ZNF483: variants seen among roughly 807,000 people sequenced by gnomAD.
ZNF483 encodes zinc finger protein 483.
In ZNF483, 9 loss-of-function variants were observed where a neutral mutation model predicts 28.6. The observed-to-expected ratio is 0.32, with a 90% CI of 0.19 to 0.55. The LOEUF (loss-of-function observed/expected upper bound fraction) is 0.55. Ranked by LOEUF, ZNF483 falls within the 20% of genes least tolerant of loss-of-function variation. ZNF483 has a pLI of 0.93. For missense variants in ZNF483, 675 were observed against 871.7 expected, an observed-to-expected ratio of 0.77 and a Z score of 2.84; for synonymous variants, 322 against 306.2, an observed-to-expected ratio of 1.05 and a Z score of -0.54.
At chr9:111,557,731 A>G (rs1828166572), downstream of ZNF483, among the ~76,000 whole-genome samples, 4 of 152,114 alleles carry the variant, frequency 2.6e-5, no homozygotes, top group Middle Eastern at 3.4e-3. Flanking sequence ...TGCCCGGCCC[A>G]TTTGTCTCAT....
At chr9:111,556,965 A>G (rs906437026), downstream of ZNF483, among the ~76,000 whole-genome samples, 5 of 152,208 alleles carry the variant, frequency 3.3e-5, no homozygotes, top group African/African-American at 1.2e-4. Context: ...GATGCTGCAC[A>G]GAGCAGTGTG....
intron 1 of ZNF483, among the ~76,000 whole-genome samples, chr9:111,525,717 C>A (rs996318608): frequency 6.6e-6 from 1 of 152,102 alleles, no homozygotes; most frequent in African/African-American, 2.4e-5. Flanking sequence ...TTCACCGGGC[C>A]TCCTATGTAA....
At position 111,533,846 on chromosome 9, in the gene ZNF483, C is replaced by T. The variant is rs1250560330; in HGVS notation, c.609C>T (p.Leu203=). 5 of 1,590,786 alleles carry T rather than the reference C, an allele frequency of 3.1e-6. No individual in the cohort carries two copies. The East Asian group carries it at 9.0e-5, about 29-fold the overall frequency. Residue 203 remains leucine (L), a synonymous_variant, in exon 4 of 6, where the codon CTC becomes CTT. Transcript: ENST00000309235. ...ELYKEVLLEN[L]RNLEFLDFPV... is the part of the protein sequence containing the mutation. ...ATAAGGAAGTGCTACTGGAAAACCT[C>T]AGGAACCTAGAATTTCTGGGTAAAG...
chr9:111,526,694 T>C (rs778935354), intron 1 of ZNF483, among the ~76,000 whole-genome samples: 34 of 152,326 alleles, frequency 2.2e-4, no homozygotes, highest in Admixed American at 9.8e-4. Flanking sequence ...TAAATAGCTT[T>C]GTGACTGGGT....
rs1828065279 is a variant in ZNF483 at position 111,554,540 on chromosome 9, T to C, written c.*11370T>C. Among the ~76,000 whole-genome samples, 3 of 152,130 alleles carry C rather than the reference T, an allele frequency of 2.0e-5. No individual in the cohort carries two copies. Among genetic ancestry groups the C allele is most frequent in the Admixed American group, 2.0e-4 (3 of 15,280 alleles). On this transcript the variant is annotated 3_prime_UTR_variant, in exon 6 of 6. Transcript: ENST00000309235. ...TCGAGTGGATGCCTGCAACCTCAGA[T>C]AGTACCAAACCCTGTATGTTCTATG...
At chr9:111,570,388 G>T (rs1828759390) in intron 5 of ZNF483, among the ~76,000 whole-genome samples, 1 of 152,116 alleles carries the variant, frequency 6.6e-6, no homozygotes, top group African/African-American at 2.4e-5. Context: ...GCACTCTGCA[G>T]CCAGGCAGAA....
In ZNF483 at chr9:111,542,894, T is replaced by C. The variant is rs750567451; in HGVS notation, c.1959T>C (p.His653=). Residue 653 remains histidine, a synonymous_variant, in exon 6 of 6, where the codon CAT becomes CAC. Transcript: ENST00000309235. The surrounding 1 kb of genome is among the most constrained non-coding windows in gnomAD (Gnocchi z 6.2). The stretch of plus-strand genomic sequence containing the variant: ...CAACCCATTCACTGCTAAGTCGTCA[T>C]CAGAGAATTCATACTGGTGTAAAAC... The part of the protein sequence containing the change: ...AFPTHSLLSR[H]QRIHTGVKPY... 4 of 1,614,160 alleles carry C rather than the reference T, an allele frequency of 2.5e-6. 1 individual carries two copies. The Middle Eastern group carries it at 6.6e-4, about 266-fold the overall frequency.
intron 5 of ZNF483, chr9:111,563,165 T>C (rs768494107): frequency 9.3e-6 from 15 of 1,613,924 alleles, no homozygotes; most frequent in Non-Finnish European, 1.3e-5. Context: ...CCTTTCAGCA[T>C]TCCCATAAAT....
chr9:111,565,046 C>T (rs530535290), intron 5 of ZNF483, among the ~76,000 whole-genome samples: 1 of 152,094 alleles, frequency 6.6e-6, no homozygotes, highest in African/African-American at 2.4e-5. Flanking sequence ...ATCACATGAA[C>T]CCGGCAGGCG....
rs1419383556 is a variant in ZNF483, at chr9:111,543,607, A to T, written c.*437A>T. ...GTCACCAGCAGAATGAAGGGATGGG[A>T]TTAATGATTTTTGCCTTTTTTGGTT... On this transcript the variant is annotated 3_prime_UTR_variant, in exon 6 of 6. Transcript: ENST00000309235. 1 of 987,174 alleles carries T rather than the reference A, an allele frequency of 1.0e-6. No individual in the cohort carries two copies. Among genetic ancestry groups the T allele is most frequent in the Non-Finnish European group, 1.2e-6 (1 of 831,324 alleles). 61.2% of individuals were successfully genotyped at this position (987,174 alleles called of 1,614,324 possible).
chr9:111,551,400 G>GT lies in ZNF483; in HGVS notation c.*8255dup, dbSNP rs58638722. On this transcript the variant is annotated 3_prime_UTR_variant, in exon 6 of 6. Coordinates refer to ENST00000309235, the MANE Select transcript of ZNF483 (RefSeq NM_133464.5). ...TAACTGAATCAAGTATCCAGTTTTT[G>GT]TTTTTTTTTTTTTTTTTTTTTTTTT... Among the ~76,000 whole-genome samples, 858 of 74,430 alleles carry GT rather than the reference G, an allele frequency of 0.012. 38 individuals carry two copies. The highest frequency in any genetic ancestry group is 0.016 in the Middle Eastern group (1 of 64). The allele number at this position is 74,430 out of a possible 152,430, so 48.8% of individuals were successfully genotyped here.
At chr9:111,568,231 T>C (rs1054366596) in intron 5 of ZNF483, among the ~76,000 whole-genome samples, 2 of 152,180 alleles carry the variant, frequency 1.3e-5, no homozygotes, top group Non-Finnish European at 1.5e-5. Context: ...CTAAATTCTT[T>C]TCCTAGCAAG....
chr9:111,577,373 T>A (rs897926082), exon 6 of ZNF483: 3 of 152,212 alleles, frequency 2.0e-5, no homozygotes, highest in African/African-American at 7.2e-5. Flanking sequence ...GAATGTAAAG[T>A]ACTGTAGCCA....
chr9:111,550,581 C>T lies in ZNF483; in HGVS notation c.*7411C>T, dbSNP rs1827911250. Among the ~76,000 whole-genome samples, 1 of 152,140 alleles carries T rather than the reference C, an allele frequency of 6.6e-6. No homozygotes were observed. The highest frequency in any genetic ancestry group is 1.5e-5 in the Non-Finnish European group (1 of 68,016). ...ACAAGTGTTCAGATGGACTCATGTG[C>T]TCCCAAAATAATCACTTTAGGAACT... On this transcript the variant is annotated 3_prime_UTR_variant, in exon 6 of 6. Coordinates refer to ENST00000309235, the MANE Select transcript of ZNF483 (RefSeq NM_133464.5).
chr9:111,570,193 A>G, intron 5 of ZNF483: 1 of 1,613,790 alleles, frequency 6.2e-7, no homozygotes, highest in African/African-American at 1.3e-5. Flanking sequence ...GATAGATAAC[A>G]ATCTCTGGGG....
At chr9:111,535,226 C>T (rs934631134) in intron 5 of ZNF483, among the ~76,000 whole-genome samples, 4 of 152,164 alleles carry the variant, frequency 2.6e-5, no homozygotes, top group South Asian at 2.1e-4. Context: ...GTAATATCCC[C>T]GCAGGGGGAG....
chr9:111,542,115 A>C lies in ZNF483; in HGVS notation c.1180A>C (p.Lys394Gln). The part of the protein sequence containing the change: ...HLGDRSQKCS[K>Q]CGIIFIRRST... ...GGGGGATAGGTCCCAAAAATGCAGT[A>C]AGTGTGGGATAATCTTTATTAGAAG... Residue 394 changes from lysine (K) to glutamine (Q), a missense_variant, in exon 6 of 6, where the codon AAG becomes CAG. This residue lies in a region of ZNF483 where 525 missense variants were observed against 581.8 expected (regional missense o/e 0.90). Coordinates refer to ENST00000309235, the MANE Select transcript of ZNF483 (RefSeq NM_133464.5). This position sits in a 1 kb window ranked among gnomAD's most constrained non-coding sequence, Gnocchi z 6.2. The C allele has an allele frequency of 6.2e-7, 1 of 1,614,144 alleles. No individual in the cohort carries two copies. The highest frequency in any genetic ancestry group is 8.5e-7 in the Non-Finnish European group (1 of 1,180,024).
At position 111,551,416 on chromosome 9, in the gene ZNF483, T is replaced by G. The variant is rs989605855; in HGVS notation, c.*8246T>G. Among the ~76,000 whole-genome samples the G allele has an allele frequency of 2.8e-5, 4 of 142,582 alleles. No individual in the cohort carries two copies. The highest frequency in any genetic ancestry group is 1.0e-4 in the African/African-American group (4 of 38,568). 93.5% of individuals were successfully genotyped at this position (142,582 alleles called of 152,430 possible). A position where few individuals can be genotyped will look rare whatever the true frequency, so the allele number is the denominator to read the frequency against. On this transcript the variant is annotated 3_prime_UTR_variant, in exon 6 of 6. Coordinates refer to ENST00000309235, the MANE Select transcript of ZNF483 (RefSeq NM_133464.5). Reference sequence around the variant, plus strand: ...CCAGTTTTTGTTTTTTTTTTTTTTTTTTTTTTTTTGAGATGGAGTCTCACT... The same window carrying G: ...CCAGTTTTTGTTTTTTTTTTTTTTTGTTTTTTTTTGAGATGGAGTCTCACT...
rs1053408190 is a variant in ZNF483, at chr9:111,554,131, T to G, written c.*10961T>G. On this transcript the variant is annotated 3_prime_UTR_variant, in exon 6 of 6. Coordinates refer to ENST00000309235, the MANE Select transcript of ZNF483 (RefSeq NM_133464.5). ...CCAGGATATTTTAAAATCTGGAGAT[T>G]ATCACAACTACAACTATTGACATCA... Among the ~76,000 whole-genome samples, 3 of 152,224 alleles carry G rather than the reference T, an allele frequency of 2.0e-5. No homozygotes were observed. The highest frequency in any genetic ancestry group is 7.2e-5 in the African/African-American group (3 of 41,454).
Sources: allele counts gnomAD v4.1 joint callset (sites outside exome capture counted in the v4.1 genomes callset), GRCh38; gene constraint gnomAD v4.1.1; regional missense constraint gnomAD v4.1.1; non-coding constraint Gnocchi (gnomAD v3.1); transcripts MANE v1.5; gene names NCBI Gene and HGNC (gene_info 2026-07-23, HGNC 2026-07-21).